Variants in DKK2 observed in about 807,000 individuals in gnomAD.
DKK2 encodes dickkopf-related protein 2.
A neutral mutation model predicts 28.1 loss-of-function variants in DKK2; 11 were observed. The ratio of observed to expected loss-of-function variants is 0.39; its 90% confidence interval spans 0.25 to 0.65. The LOEUF (loss-of-function observed/expected upper bound fraction) is 0.65. Ranked by LOEUF, DKK2 falls within the 30% of genes least tolerant of loss-of-function variation. DKK2 has a pLI of 0.47. For missense variants in DKK2, 326 were observed against 335.5 expected (o/e 0.97, Z 0.22); for synonymous variants, 135 against 126.5 (o/e 1.07, Z -0.45).
chr4:106,944,592 A>C (rs1724750824), intron 1 of DKK2, among the ~76,000 whole-genome samples: 1 of 152,122 alleles, frequency 6.6e-6, no homozygotes, highest in East Asian at 1.9e-4. Flanking sequence ...TATTTGTAGA[A>C]AGATGATATA....
chr4:106,973,972 C>T (rs1722906016), intron 1 of DKK2, among the ~76,000 whole-genome samples: 1 of 152,186 alleles, frequency 6.6e-6, no homozygotes, highest in Non-Finnish European at 1.5e-5. Context: ...AGTTTCCCAA[C>T]ACCATTTATT....
chr4:107,030,282 C>T lies in DKK2; in HGVS notation c.222+5088G>A, dbSNP rs371341533. ...AAAATATGTTATTCTGCTCTAGTTC[C>T]TGTCAAGAGTGGACAGAGGAGGAAC... On this transcript the variant is annotated intron_variant, in intron 1 of 3. Transcript: ENST00000285311. 2.6e-5 allele frequency among the ~76,000 whole-genome samples: 4 copies of T among 152,152 alleles called. No individual in the cohort carries two copies. In the East Asian group the frequency reaches 5.8e-4, roughly 22 times the overall value.
intron 1 of DKK2, among the ~76,000 whole-genome samples, chr4:106,942,002 T>C (rs1724705992): frequency 6.6e-6 from 1 of 152,078 alleles, no homozygotes; most frequent in African/African-American, 2.4e-5. Flanking sequence ...GAAGGAAAGG[T>C]CAGCTCACAA....
intron 1 of DKK2, among the ~76,000 whole-genome samples, chr4:106,930,787 G>GA (rs1468235436): frequency 6.6e-6 from 1 of 152,128 alleles, no homozygotes; most frequent in African/African-American, 2.4e-5. Context: ...CTGTGGGAAT[G>GA]AAAAACATTT....
chr4:106,929,580 A>C (rs558920772), intron 1 of DKK2, among the ~76,000 whole-genome samples: 1 of 152,326 alleles, frequency 6.6e-6, no homozygotes, highest in African/African-American at 2.4e-5. Context: ...TCAGGCCAAA[A>C]AAACAAAGAC....
At position 106,924,590 on chromosome 4, in the gene DKK2, A is replaced by G; in HGVS notation, c.484T>C (p.Trp162Arg). The part of the protein sequence containing the change: ...HGHYSNHDLG[W>R]QNLGRPHTKM... ...GTGTGTGGTCTTCCTAGATTCTGCCATCCCAAGTCATGGTTTGAGTAATGA... is the reference window on the plus strand; with the variant it reads ...GTGTGTGGTCTTCCTAGATTCTGCCGTCCCAAGTCATGGTTTGAGTAATGA... Residue 162 changes from tryptophan (W) to arginine (R), a missense_variant, in exon 3 of 4, where the codon TGG becomes CGG. Transcript: ENST00000285311. 1 of 1,613,948 alleles carries G rather than the reference A, an allele frequency of 6.2e-7. No individual in the cohort carries two copies. The highest frequency in any genetic ancestry group is 1.1e-5 in the South Asian group (1 of 91,088).
Position 107,000,098 on chromosome 4 carries a change from G to A in DKK2, c.222+35272C>T, listed in dbSNP as rs138607886. On this transcript the variant is annotated intron_variant, in intron 1 of 3. Coordinates refer to ENST00000285311, the MANE Select transcript of DKK2 (RefSeq NM_014421.3). ...AAGAGGCCAGAATGTTTAAAAGAAT[G>A]TATCATTTTATGAATAGTCAAGGAT... Among the ~76,000 whole-genome samples, 601 of 152,238 alleles carry A rather than the reference G, an allele frequency of 3.9e-3. 5 individuals are homozygous for A. Among genetic ancestry groups the A allele is most frequent in the African/African-American group, 0.013 (559 of 41,560 alleles).
intron 1 of DKK2, among the ~76,000 whole-genome samples, chr4:107,006,465 C>A (rs1009479019): frequency 2.0e-5 from 3 of 152,120 alleles, no homozygotes; most frequent in Admixed American, 2.0e-4. Context: ...AAAAAGAATA[C>A]CTTCAGAAAA....
chr4:106,953,860 C>T (rs190855912), intron 1 of DKK2, among the ~76,000 whole-genome samples: 18 of 152,258 alleles, frequency 1.2e-4, no homozygotes, highest in East Asian at 3.9e-4. Context: ...TTATAATTCT[C>T]GTCAACTTAT....
intron 1 of DKK2, among the ~76,000 whole-genome samples, chr4:106,998,986 C>T (rs1723317001): frequency 6.6e-6 from 1 of 152,112 alleles, no homozygotes; most frequent in South Asian, 2.1e-4. Flanking sequence ...CCAACATGGA[C>T]ATAATATAAC....
intron 1 of DKK2, among the ~76,000 whole-genome samples, chr4:106,939,546 C>T (rs1247707786): frequency 1.3e-5 from 2 of 152,118 alleles, no homozygotes; most frequent in African/African-American, 4.8e-5. Flanking sequence ...AGGTAATTTA[C>T]AGATTCAATG....
At chr4:107,030,525 A>G (rs893981878) in intron 1 of DKK2, among the ~76,000 whole-genome samples, 4 of 152,016 alleles carry the variant, frequency 2.6e-5, no homozygotes, top group African/African-American at 4.8e-5. Flanking sequence ...AAACCTTTTG[A>G]ACAATCAGAT....
At position 106,946,728 on chromosome 4, in the gene DKK2, T is replaced by TA. The variant is rs1202207753; in HGVS notation, c.223-20780dup. Among the ~76,000 whole-genome samples, 3 of 152,048 alleles carry TA rather than the reference T, an allele frequency of 2.0e-5. No individual in the cohort carries two copies. The East Asian group carries it at 5.8e-4, about 30-fold the overall frequency. ...AAAAATCAACCTCTGATGCGGTTGTTACAAGGCTGAACAGACCTCTGGTAG... is the reference window on the plus strand; with the variant it reads ...AAAAATCAACCTCTGATGCGGTTGTTAACAAGGCTGAACAGACCTCTGGTAG... On this transcript the variant is annotated intron_variant, in intron 1 of 3. Transcript: ENST00000285311.
chr4:107,032,850 C>T (rs1319650919), intron 1 of DKK2, among the ~76,000 whole-genome samples: 2 of 152,114 alleles, frequency 1.3e-5, no homozygotes, highest in East Asian at 1.9e-4. Context: ...AAATTCAGCT[C>T]AGCTACCTTT....
intron 1 of DKK2, among the ~76,000 whole-genome samples, chr4:106,972,010 C>T (rs1722874282): frequency 6.6e-6 from 1 of 152,028 alleles, no homozygotes; most frequent in Non-Finnish European, 1.5e-5. Flanking sequence ...ATGAAGGGTC[C>T]ATTAATTTGT....
chr4:106,959,713 A>G (rs1166555788), intron 1 of DKK2, among the ~76,000 whole-genome samples: 1 of 152,088 alleles, frequency 6.6e-6, no homozygotes, highest in Non-Finnish European at 1.5e-5. Context: ...TAATTAGCAA[A>G]AGTTCACTCC....
intron 1 of DKK2, among the ~76,000 whole-genome samples, chr4:106,931,258 T>C (rs1404745055): frequency 6.6e-6 from 1 of 152,162 alleles, no homozygotes; most frequent in Non-Finnish European, 1.5e-5. Flanking sequence ...TATTACATGA[T>C]GTCCTGCATG....
intron 1 of DKK2, among the ~76,000 whole-genome samples, chr4:106,975,280 T>G (rs549622558): frequency 6.6e-6 from 1 of 152,334 alleles, no homozygotes; most frequent in South Asian, 2.1e-4. Context: ...GAGGATTTCC[T>G]GTTTTTGTAT....
In DKK2 at chr4:106,983,056, GAAAA is replaced by G. The variant is rs1723050200; in HGVS notation, c.222+52310_222+52313del. Among the ~76,000 whole-genome samples, 5 of 146,442 alleles carry G rather than the reference GAAAA, an allele frequency of 3.4e-5. No homozygotes were observed. In the South Asian group the frequency reaches 8.7e-4, roughly 25 times the overall value. ...GAAAGATGAAAGAAAGAAAGAAAGA[GAAAA>G]GAAAGAAAGAAAAAAGAAAGAAACA... is the stretch of plus-strand genomic sequence containing the variant. On this transcript the variant is annotated intron_variant, in intron 1 of 3. Coordinates refer to ENST00000285311, the MANE Select transcript of DKK2 (RefSeq NM_014421.3).
Sources: gnomAD v4.1 joint callset for allele counts (sites outside exome capture counted in the v4.1 genomes callset) on GRCh38, gnomAD v4.1.1 for gene constraint, MANE v1.5 for transcripts, NCBI Gene and HGNC (gene_info 2026-07-23, HGNC 2026-07-21) for gene names.